Variants in DDX1 observed in about 807,000 individuals in gnomAD.
DDX1 encodes DEAD-box helicase 1.
A neutral mutation model predicts 108.7 loss-of-function variants in DDX1; 28 were observed. The observed-to-expected ratio is 0.26, with a 90% CI of 0.19 to 0.35. The LOEUF is 0.35. Ranked by LOEUF, DDX1 falls within the 10% of genes least tolerant of loss-of-function variation. DDX1 has a pLI of 1.00. For missense variants in DDX1, 710 were observed against 884.5 expected (o/e 0.80, Z 2.50); for synonymous variants, 295 against 288.9 (o/e 1.02, Z -0.21).
At chr2:15,621,477 TA>T (rs1384625665) in intron 18 of DDX1, 1 of 200,628 alleles carries the variant, frequency 5.0e-6, no homozygotes, top group Non-Finnish European at 1.0e-5. Flanking sequence ...CTAATTTTTT[TA>T]TATTTTTAGT....
At chr2:15,621,715 C>T (rs1017968015) in intron 18 of DDX1, among the ~76,000 whole-genome samples, 5 of 151,646 alleles carry the variant, frequency 3.3e-5, no homozygotes, top group South Asian at 4.2e-4. Flanking sequence ...TGCACTGGTG[C>T]GATTTTGGCT....
Position 15,621,074 on chromosome 2 carries a change from G to T in DDX1, c.1405G>T (p.Val469Leu). ...LGKSHIRTDD[V>L]HAKDNTRPGA... The stretch of plus-strand genomic sequence containing the variant: ...TCCTTGCTTTTGATAGACTGATGAT[G>T]TACATGCAAAAGATAACACAAGACC... Residue 469 changes from valine to leucine, a missense_variant, in exon 18 of 26, where the codon GTA (valine) becomes TTA (leucine). By Grantham distance (32) the Val-to-Leu change is conservative. Coordinates refer to ENST00000233084, the MANE Select transcript of DDX1 (RefSeq NM_004939.3). 6.2e-7 allele frequency: 1 copy of T among 1,607,704 alleles called. No individual in the cohort carries two copies. Among genetic ancestry groups the T allele is most frequent in the East Asian group, 2.2e-5 (1 of 44,770 alleles).
rs766867235 is a variant in DDX1 at position 15,596,745 on chromosome 2, A to T, written c.144A>T (p.Thr48=). The T allele has an allele frequency of 2.5e-6, 4 of 1,611,872 alleles. No individual in the cohort carries two copies. The highest frequency in any genetic ancestry group is 2.5e-6 in the Non-Finnish European group (3 of 1,178,516). Residue 48 remains threonine (T), a synonymous_variant, in exon 4 of 26, where the codon ACA becomes ACT. Coordinates refer to ENST00000233084, the MANE Select transcript of DDX1 (RefSeq NM_004939.3). The stretch of plus-strand genomic sequence containing the variant: ...TTCCCCTCATTCAGGCTGCAGAAAC[A>T]GGAAGTGGCAAAACTGGTGTAAGTA... ...GGGDVLMAAE[T]GSGKTGAFSI... is the part of the protein sequence containing the mutation.
intron 13 of DDX1, among the ~76,000 whole-genome samples, chr2:15,608,555 T>C (rs1009417612): frequency 9.9e-5 from 15 of 151,612 alleles, no homozygotes; most frequent in African/African-American, 3.6e-4. Context: ...CAAGTGTTTC[T>C]TGGTTCATTG....
chr2:15,623,630 T>C (rs1312879198), intron 19 of DDX1, 48 bp downstream of exon 19: 5 of 1,497,924 alleles, frequency 3.3e-6, no homozygotes, highest in Non-Finnish European at 3.7e-6. Flanking sequence ...CCTCTTGTAA[T>C]AGATTATTAA....
intron 10 of DDX1, among the ~76,000 whole-genome samples, chr2:15,605,526 G>A (rs1573040122): frequency 1.3e-5 from 2 of 152,222 alleles, no homozygotes; most frequent in East Asian, 3.9e-4. Flanking sequence ...AAGGGGTGAG[G>A]GTGGGGAGCC....
intron 1 of DDX1, 74 bp downstream of exon 1, chr2:15,592,023 G>A: frequency 7.8e-7 from 1 of 1,288,450 alleles, no homozygotes. Context: ...CCCGCGGAGA[G>A]CTAAAGGGGC....
chr2:15,620,876 T>C (rs1665993340), intron 17 of DDX1, among the ~76,000 whole-genome samples, 189 bp from the exon 18 acceptor site: 1 of 152,178 alleles, frequency 6.6e-6, no homozygotes, highest in Non-Finnish European at 1.5e-5. Flanking sequence ...AAAGTGGTCT[T>C]AGACCTATAG....
chr2:15,599,700 C>G lies in DDX1; in HGVS notation c.291C>G (p.Asp97Glu), dbSNP rs1305700255. Residue 97 changes from aspartate (D) to glutamate (E), a missense_variant, in exon 6 of 26, where the codon GAC (aspartate) becomes GAG (glutamate). By Grantham distance (45) the Asp-to-Glu change is conservative. This residue lies in a region of DDX1 where 661 missense variants were observed against 810.2 expected (regional missense o/e 0.82). Coordinates refer to ENST00000233084, the MANE Select transcript of DDX1 (RefSeq NM_004939.3). ...ACAAATGGCAGATGAACCCATATGA[C>G]AGAGGATCTGCTTTTGGTAAGTGGA... ...VLNKWQMNPY[D>E]RGSAFAIGSD... 1 of 1,606,434 alleles carries G rather than the reference C, an allele frequency of 6.2e-7. No homozygotes were observed. Among genetic ancestry groups the G allele is most frequent in the South Asian group, 1.1e-5 (1 of 89,810 alleles).
chr2:15,597,333 A>G (rs745793888), intron 4 of DDX1, 42 bp from the exon 5 acceptor site: 20 of 1,225,988 alleles, frequency 1.6e-5, no homozygotes, highest in Admixed American at 1.1e-4. Context: ...ATTGTCGTTA[A>G]TATGTGAATA....
At chr2:15,593,353 A>G (rs533727438) in intron 1 of DDX1, among the ~76,000 whole-genome samples, 2 of 152,336 alleles carry the variant, frequency 1.3e-5, no homozygotes, top group South Asian at 4.1e-4. Context: ...ATAGGTTCAC[A>G]TCTTTGGGAG....
At chr2:15,613,895 G>A (rs571764556) in intron 14 of DDX1, among the ~76,000 whole-genome samples, 105 of 146,078 alleles carry the variant, frequency 7.2e-4, no homozygotes, top group African/African-American at 2.2e-3. Flanking sequence ...GGAGTGCCAT[G>A]ACATGTTCTC....
At chr2:15,614,830 T>C (rs1021677598) in intron 14 of DDX1, among the ~76,000 whole-genome samples, 1 of 152,240 alleles carries the variant, frequency 6.6e-6, no homozygotes, top group Non-Finnish European at 1.5e-5. Flanking sequence ...TTAGTGGTTG[T>C]AAGAGAGATT....
intron 16 of DDX1, among the ~76,000 whole-genome samples, chr2:15,618,836 G>A (rs1665942971): frequency 6.6e-6 from 1 of 152,272 alleles, no homozygotes. Flanking sequence ...CAAAGTGGCA[G>A]TGGGTTGGTG....
At chr2:15,613,013 G>A (rs1445772193) in intron 13 of DDX1, among the ~76,000 whole-genome samples, 1 of 151,740 alleles carries the variant, frequency 6.6e-6, no homozygotes. Flanking sequence ...GAGGGAGAGG[G>A]AGACCGTGGG....
chr2:15,596,586 G>A (rs116344704), intron 3 of DDX1, 148 bp from the exon 4 acceptor site: 4 of 637,154 alleles, frequency 6.3e-6, no homozygotes, highest in Non-Finnish European at 1.1e-5. Flanking sequence ...TGTAGTTGGA[G>A]TTGACAGAGG....
At chr2:15,630,227 A>G in intron 25 of DDX1, 117 bp downstream of exon 25, 1 of 1,022,750 alleles carries the variant, frequency 9.8e-7, no homozygotes. Flanking sequence ...TTAGCGTGTT[A>G]ATCATTCCCT....
intron 16 of DDX1, among the ~76,000 whole-genome samples, chr2:15,618,597 C>T (rs998045459): frequency 6.6e-6 from 1 of 152,260 alleles, no homozygotes; most frequent in Non-Finnish European, 1.5e-5. Flanking sequence ...GGCACCGGCT[C>T]TCTGTGAGGC....
At chr2:15,626,978 G>A in intron 19 of DDX1, 76 bp from the exon 20 acceptor site, 1 of 909,626 alleles carries the variant, frequency 1.1e-6, no homozygotes, top group East Asian at 2.5e-5. Context: ...ATTGTAGTCT[G>A]AATTTTATTG....
Sources: allele counts gnomAD v4.1 joint callset (sites outside exome capture counted in the v4.1 genomes callset), GRCh38; gene constraint gnomAD v4.1.1; regional missense constraint gnomAD v4.1.1; transcripts MANE v1.5; gene names NCBI Gene and HGNC (gene_info 2026-07-23, HGNC 2026-07-21).